Variants in SLC35F1 observed in about 807,000 individuals in gnomAD.
SLC35F1 encodes the protein solute carrier family 35 member F1.
A neutral mutation model predicts 48.7 loss-of-function variants in SLC35F1; 14 were observed. The observed-to-expected ratio is 0.29, with a 90% CI of 0.19 to 0.45. The LOEUF (loss-of-function observed/expected upper bound fraction) is 0.45. Ranked by LOEUF, SLC35F1 falls within the 20% of genes least tolerant of loss-of-function variation. The pLI is 1.00. For missense variants in SLC35F1, 404 were observed against 500.0 expected, an observed-to-expected ratio of 0.81 and a Z score of 1.83; for synonymous variants, 190 against 202.2, an observed-to-expected ratio of 0.94 and a Z score of 0.51.
intron 2 of SLC35F1, among the ~76,000 whole-genome samples, chr6:118,202,949 A>G (rs1208511239): frequency 6.6e-6 from 1 of 152,202 alleles, no homozygotes; most frequent in African/African-American, 2.4e-5. Flanking sequence ...CCAAAGCCCT[A>G]AGTGTTTATT....
intron 1 of SLC35F1, among the ~76,000 whole-genome samples, chr6:118,116,970 G>T (rs1773484020): frequency 1.3e-5 from 2 of 152,122 alleles, no homozygotes; most frequent in Non-Finnish European, 2.9e-5. Flanking sequence ...ATTATTTCTA[G>T]TGCAATGAGG....
intron 7 of SLC35F1, among the ~76,000 whole-genome samples, chr6:118,288,422 A>G (rs1300961872): frequency 6.6e-6 from 1 of 152,160 alleles, no homozygotes; most frequent in Non-Finnish European, 1.5e-5. Flanking sequence ...TTTGATCTGG[A>G]AAGGCCAGAC....
At chr6:117,930,735 C>T (rs2114811767) in intron 1 of SLC35F1, among the ~76,000 whole-genome samples, 1 of 152,218 alleles carries the variant, frequency 6.6e-6, no homozygotes, top group East Asian at 1.9e-4. Flanking sequence ...GGCGGGCAGG[C>T]AGGGCCCAAA....
At chr6:118,291,784 A>C (rs1776126249) in intron 7 of SLC35F1, among the ~76,000 whole-genome samples, 1 of 152,130 alleles carries the variant, frequency 6.6e-6, no homozygotes, top group Admixed American at 6.5e-5. Context: ...TGTTGTGTGG[A>C]AAAGGGTTTA....
chr6:118,261,407 A>G (rs1004443828), intron 3 of SLC35F1, among the ~76,000 whole-genome samples: 1 of 152,196 alleles, frequency 6.6e-6, no homozygotes, highest in African/African-American at 2.4e-5. Flanking sequence ...TATTCAGAAC[A>G]ACACTATATA....
intron 1 of SLC35F1, among the ~76,000 whole-genome samples, chr6:118,027,663 T>A (rs2114889933): frequency 6.6e-6 from 1 of 152,232 alleles, no homozygotes; most frequent in Admixed American, 6.5e-5. Context: ...TTTATCTTCT[T>A]ATTGATTGGA....
intron 1 of SLC35F1, among the ~76,000 whole-genome samples, chr6:118,009,233 G>A (rs1290016654): frequency 6.6e-6 from 1 of 152,126 alleles, no homozygotes; most frequent in African/African-American, 2.4e-5. Context: ...TGCCTTCATG[G>A]ATAGAGGATA....
chr6:118,212,225 G>C (rs1380451684), intron 2 of SLC35F1, among the ~76,000 whole-genome samples: 1 of 152,092 alleles, frequency 6.6e-6, no homozygotes, highest in East Asian at 1.9e-4. Flanking sequence ...TTCAGTAGTT[G>C]CATCTTGCAT....
intron 1 of SLC35F1, among the ~76,000 whole-genome samples, chr6:118,002,371 T>C (rs976170250): frequency 6.6e-6 from 1 of 151,774 alleles, no homozygotes; most frequent in Non-Finnish European, 1.5e-5. Flanking sequence ...AAACACCGCA[T>C]GTTCTCACTC....
At chr6:118,133,222 G>T (rs1169796978) in intron 1 of SLC35F1, among the ~76,000 whole-genome samples, 1 of 152,002 alleles carries the variant, frequency 6.6e-6, no homozygotes, top group East Asian at 1.9e-4. Flanking sequence ...AGAGCTCTGT[G>T]GACAGAAATT....
intron 1 of SLC35F1, among the ~76,000 whole-genome samples, chr6:117,920,837 A>G (rs1775888218): frequency 6.6e-6 from 1 of 152,132 alleles, no homozygotes; most frequent in Non-Finnish European, 1.5e-5. Flanking sequence ...TCCCAGATAA[A>G]ATAGACAGCT....
rs372777596 is a variant in SLC35F1 at position 118,225,930 on chromosome 6, C to A, written c.350-9579C>A. On this transcript the variant is annotated intron_variant, in intron 2 of 7. Coordinates refer to ENST00000360388, the MANE Select transcript of SLC35F1 (RefSeq NM_001029858.4). Reference sequence around the variant, plus strand: ...GGAAACAATTAACAAAGTGAAGAGACAACCCACAAAGTGGGAGAAAATATT... The same window carrying A: ...GGAAACAATTAACAAAGTGAAGAGAAAACCCACAAAGTGGGAGAAAATATT... 4.5e-5 allele frequency among the ~76,000 whole-genome samples: 6 copies of A among 133,792 alleles called. No homozygotes were observed. The East Asian group carries it at 8.9e-4, about 20-fold the overall frequency. The allele number at this position is 133,792 out of a possible 152,430, so 87.8% of individuals were successfully genotyped here.
chr6:118,212,732 AAGGAAGGAAGGAAGG>A (rs1490187126), intron 2 of SLC35F1, among the ~76,000 whole-genome samples: 24 of 31,358 alleles, frequency 7.7e-4, no homozygotes, highest in Non-Finnish European at 1.2e-3. Context: ...GAAGGAAAGG[AAGGAAGGAAGGAAGG>A]AAGGAAGGAA....
At chr6:118,200,088 A>T (rs1290057265) in intron 2 of SLC35F1, among the ~76,000 whole-genome samples, 7 of 152,156 alleles carry the variant, frequency 4.6e-5, no homozygotes, top group Non-Finnish European at 8.8e-5. Flanking sequence ...ATTGCCCTTC[A>T]GAGAGATTAT....
intron 1 of SLC35F1, among the ~76,000 whole-genome samples, chr6:117,923,843 T>TATACACATTAC (rs1416022059): frequency 3.5e-4 from 33 of 95,088 alleles, no homozygotes; most frequent in Non-Finnish European, 1.3e-4. Context: ...ACACATTACA[T>TATACACATTAC]ATATGCACAT....
intron 1 of SLC35F1, among the ~76,000 whole-genome samples, chr6:117,956,116 G>A (rs1302688952): frequency 1.3e-5 from 2 of 152,210 alleles, no homozygotes; most frequent in Admixed American, 1.3e-4. Flanking sequence ...AGAGCTGAAT[G>A]TAGTCCCTGC....
chr6:118,233,534 C>CT lies in SLC35F1; in HGVS notation c.350-1966dup, dbSNP rs1222587307. On this transcript the variant is annotated intron_variant, in intron 2 of 7. Coordinates refer to ENST00000360388, the MANE Select transcript of SLC35F1 (RefSeq NM_001029858.4). ...CTTGACATATTCAGACAGTATTTCA[C>CT]TTTTTTTTTGTTTTCAATTCATTGA... 2.6e-5 allele frequency among the ~76,000 whole-genome samples: 4 copies of CT among 151,766 alleles called. No individual in the cohort carries two copies. The East Asian group carries it at 5.8e-4, about 22-fold the overall frequency.
At chr6:118,215,315 A>G (rs1158745123) in intron 2 of SLC35F1, among the ~76,000 whole-genome samples, 1 of 152,222 alleles carries the variant, frequency 6.6e-6, no homozygotes, top group African/African-American at 2.4e-5. Context: ...TTATTTCTCA[A>G]AAATATGAGG....
In SLC35F1 at chr6:118,154,630, C is replaced by A. The variant is rs886780587; in HGVS notation, c.349+10C>A. ...CTAGCCGTCAGACAAGGTAAGCTCA[C>A]AAAAGCACCAGGAATATAACTTTTA... On this transcript the variant is annotated intron_variant, in intron 2 of 7. Coordinates refer to ENST00000360388, the MANE Select transcript of SLC35F1 (RefSeq NM_001029858.4). 23 of 1,595,692 alleles carry A rather than the reference C, an allele frequency of 1.4e-5. No individual in the cohort carries two copies. Among genetic ancestry groups the A allele is most frequent in the East Asian group, 2.2e-5 (1 of 44,512 alleles).
Sources: gnomAD v4.1 joint callset for allele counts (sites outside exome capture counted in the v4.1 genomes callset) on GRCh38, gnomAD v4.1.1 for gene constraint, MANE v1.5 for transcripts, NCBI Gene and HGNC (gene_info 2026-07-23, HGNC 2026-07-21) for gene names.